Variants in MICU2 observed in about 807,000 individuals in gnomAD.
MICU2 encodes calcium uptake protein 2, mitochondrial.
MICU2 carries 64 observed loss-of-function variants against 60.4 expected under a neutral mutation model. That is an observed-to-expected ratio of 1.06 (90% CI 0.87 to 1.31). The LOEUF (loss-of-function observed/expected upper bound fraction) is 1.31, where lower values mean the gene tolerates loss of function less well. MICU2 is among the 50% of genes most tolerant of loss of function. The probability of loss-of-function intolerance (pLI) is 0.00; values close to 1 mark genes in which losing one functional copy is unlikely to be tolerated. For missense variants in MICU2, 569 were observed against 531.0 expected (o/e 1.07, Z -0.70); for synonymous variants, 201 against 175.0 (o/e 1.15, Z -1.17).
chr13:21,604,085 GC>G lies in MICU2; in HGVS notation c.63del (p.Leu22SerfsTer56). The stretch of plus-strand genomic sequence containing the variant: ...CGCACAGCCTGTCGGCTGACAGCGA[GC>G]CCCCGTCGCAGTTTTCCGCCCCAGG... Reference protein sequence around the residue: ...VAAWGGKLRRGLAVSRQAVRS... With the variant: ...VAAWGGKLRRXLAVSRQAVRS... On this transcript the variant is annotated frameshift_variant, in exon 1 of 12. Transcript: ENST00000382374. LOFTEE classifies it high-confidence loss of function. 6.3e-7 allele frequency: 1 copy of G among 1,596,108 alleles called. No homozygotes were observed. The highest frequency in any genetic ancestry group is 1.1e-5 in the South Asian group (1 of 89,420).
At chr13:21,562,334 G>C (rs974818377) in intron 2 of MICU2, among the ~76,000 whole-genome samples, 6 of 152,096 alleles carry the variant, frequency 3.9e-5, no homozygotes, top group Non-Finnish European at 1.5e-5. Flanking sequence ...ACCAACAGTG[G>C]AAAAGTTTCT....
chr13:21,595,739 C>T (rs1888678476), intron 1 of MICU2, among the ~76,000 whole-genome samples: 2 of 152,256 alleles, frequency 1.3e-5, no homozygotes, highest in Admixed American at 1.3e-4. Flanking sequence ...GTTTCTTCAG[C>T]TGCAGCAGGC....
intron 6 of MICU2, among the ~76,000 whole-genome samples, chr13:21,517,627 A>C (rs535765651): frequency 3.0e-4 from 46 of 152,168 alleles, no homozygotes; most frequent in African/African-American, 1.1e-3. Flanking sequence ...AATACAAAAA[A>C]TTAGCTGGGC....
chr13:21,561,508 T>G (rs933573436), intron 2 of MICU2, among the ~76,000 whole-genome samples: 3 of 151,958 alleles, frequency 2.0e-5, no homozygotes, highest in South Asian at 4.1e-4. Flanking sequence ...ACATTACAGA[T>G]AGTTATGTCT....
chr13:21,515,802 T>C (rs542595429), intron 6 of MICU2: 13 of 165,656 alleles, frequency 7.8e-5, no homozygotes, highest in Non-Finnish European at 1.1e-4. Flanking sequence ...TCTCAGCCAG[T>C]TTTCAATGCC....
At chr13:21,603,911 G>A in intron 1 of MICU2, 28 bp downstream of exon 1, 1 of 1,608,322 alleles carries the variant, frequency 6.2e-7, no homozygotes, top group Non-Finnish European at 8.5e-7. Context: ...AGCTTGACTG[G>A]GGCTAGCAGA....
intron 1 of MICU2, among the ~76,000 whole-genome samples, chr13:21,573,417 C>G (rs916166180): frequency 1.3e-5 from 2 of 152,076 alleles, no homozygotes; most frequent in Non-Finnish European, 2.9e-5. Context: ...GGACTACAGG[C>G]GCCCGCCACC....
intron 6 of MICU2, 104 bp downstream of exon 6, chr13:21,521,141 T>TA: frequency 1.1e-6 from 1 of 913,334 alleles, no homozygotes; most frequent in South Asian, 1.6e-5. Context: ...TGATAGTTCA[T>TA]ATGTAAACAA....
At chr13:21,536,521 T>C (rs919903579) in intron 4 of MICU2, among the ~76,000 whole-genome samples, 4 of 152,096 alleles carry the variant, frequency 2.6e-5, no homozygotes, top group African/African-American at 7.2e-5. Flanking sequence ...TTTGTAGAGA[T>C]AGAGACTTGC....
At chr13:21,499,880 C>T (rs1416575091) in intron 9 of MICU2, among the ~76,000 whole-genome samples, 5 of 152,168 alleles carry the variant, frequency 3.3e-5, no homozygotes, top group African/African-American at 7.2e-5. Flanking sequence ...ACAAAAATTG[C>T]GAGGCATGGT....
At chr13:21,539,712 T>C in intron 2 of MICU2, 24 bp from the exon 3 acceptor site, 1 of 1,609,398 alleles carries the variant, frequency 6.2e-7, no homozygotes, top group Non-Finnish European at 8.5e-7. Flanking sequence ...GAAACATTAT[T>C]TAGTATCCAT....
At chr13:21,509,380 CT>C (rs1437862454) in intron 8 of MICU2, among the ~76,000 whole-genome samples, 2 of 152,162 alleles carry the variant, frequency 1.3e-5, no homozygotes, top group East Asian at 3.9e-4. Flanking sequence ...TGTTAATGTA[CT>C]GTTTATGGCT....
chr13:21,598,229 T>C (rs1000451708), intron 1 of MICU2, among the ~76,000 whole-genome samples: 1 of 152,088 alleles, frequency 6.6e-6, no homozygotes, highest in Non-Finnish European at 1.5e-5. Context: ...AAAACTAAAG[T>C]ATCCAATATT....
intron 2 of MICU2, among the ~76,000 whole-genome samples, chr13:21,557,124 T>C (rs1217271498): frequency 6.6e-6 from 1 of 152,204 alleles, no homozygotes; most frequent in African/African-American, 2.4e-5. Flanking sequence ...GAAGCTTTTA[T>C]TAAATCTGAG....
intron 1 of MICU2, among the ~76,000 whole-genome samples, chr13:21,574,685 T>C (rs1424242846): frequency 1.3e-5 from 2 of 152,244 alleles, no homozygotes; most frequent in East Asian, 1.9e-4. Flanking sequence ...TATATATACA[T>C]GGCATTAGAC....
At chr13:21,509,061 G>A (rs1886364235) in intron 8 of MICU2, among the ~76,000 whole-genome samples, 1 of 152,178 alleles carries the variant, frequency 6.6e-6, no homozygotes, top group South Asian at 2.1e-4. Flanking sequence ...AGATTCAGCT[G>A]AATAAGATGC....
In MICU2 at chr13:21,585,764, T is replaced by C. The variant is rs997124367; in HGVS notation, c.210+18175A>G. ...TCCTAAGTTATTAATAATATAGTTC[T>C]GCTTGTTTAAACATAACGGTCCACA... is the stretch of plus-strand genomic sequence containing the variant. On this transcript the variant is annotated intron_variant, in intron 1 of 11. Coordinates refer to ENST00000382374, the MANE Select transcript of MICU2 (RefSeq NM_152726.3). Among the ~76,000 whole-genome samples the C allele has an allele frequency of 2.6e-5, 4 of 152,236 alleles. No homozygotes were observed. The East Asian group carries it at 7.7e-4, about 29-fold the overall frequency.
At chr13:21,590,732 G>A (rs946499205) in intron 1 of MICU2, among the ~76,000 whole-genome samples, 3 of 152,168 alleles carry the variant, frequency 2.0e-5, no homozygotes, top group African/African-American at 7.2e-5. Context: ...GCATTTGTCC[G>A]TAGTCCCAGC....
At chr13:21,517,791 ACACACACACGCGCGCG>A (rs1260121567) in intron 6 of MICU2, among the ~76,000 whole-genome samples, 3 of 97,948 alleles carry the variant, frequency 3.1e-5, no homozygotes, top group Non-Finnish European at 7.0e-5. Flanking sequence ...ACACACACAC[ACACACACACGCGCGCG>A]CGCGCGCACA....
Sources: allele counts gnomAD v4.1 joint callset (sites outside exome capture counted in the v4.1 genomes callset), GRCh38; gene constraint gnomAD v4.1.1; transcripts MANE v1.5; gene names NCBI Gene and HGNC (gene_info 2026-07-23, HGNC 2026-07-21).